The following C3orf52 variants were observed in gnomAD, a reference collection of about 807,000 sequenced individuals.
C3orf52 encodes the protein TPA-induced transmembrane protein.
Under a neutral mutation model 24.8 loss-of-function variants are expected in C3orf52, and 22 were observed. That is an observed-to-expected ratio of 0.89 (90% CI 0.63 to 1.27). The LOEUF (loss-of-function observed/expected upper bound fraction) is 1.27, where lower values mean the gene tolerates loss of function less well. Ranked by LOEUF, C3orf52 falls within the 50% of genes most tolerant of loss-of-function variation. The pLI, the probability that C3orf52 is intolerant of heterozygous loss-of-function variation, is 0.00. For synonymous variants in C3orf52, 93 were observed against 100.2 expected (o/e 0.93, Z 0.43); for missense variants, 265 against 260.7 (o/e 1.02, Z -0.11).
At chr3:112,095,118 A>G (rs2073914138) in intron 2 of C3orf52, among the ~76,000 whole-genome samples, 1 of 152,202 alleles carries the variant, frequency 6.6e-6, no homozygotes, top group Non-Finnish European at 1.5e-5. Context: ...CTGGCCAGGC[A>G]CCATATCTAC....
chr3:112,135,189 G>C (rs1448034926), downstream of C3orf52: 1 of 151,986 alleles, frequency 6.6e-6, no homozygotes, highest in Non-Finnish European at 1.5e-5. Flanking sequence ...TATTATCCTT[G>C]TATTTGATGG....
chr3:112,110,496 T>C (rs909443788), intron 4 of C3orf52, among the ~76,000 whole-genome samples: 1 of 152,158 alleles, frequency 6.6e-6, no homozygotes, highest in African/African-American at 2.4e-5. Context: ...CTTCTGTTCA[T>C]GTATCTACCA....
chr3:112,114,429 C>T (rs558890493), intron 5 of C3orf52, among the ~76,000 whole-genome samples: 4 of 148,936 alleles, frequency 2.7e-5, no homozygotes, highest in South Asian at 4.3e-4. Context: ...AAAAGCCAGG[C>T]GCGGTGGCTC....
Position 112,113,111 on chromosome 3 carries a change from T to G in C3orf52, c.615T>G (p.Ser205Arg). 6.2e-7 allele frequency: 1 copy of G among 1,610,568 alleles called. No homozygotes were observed. The highest frequency in any genetic ancestry group is 8.5e-7 in the Non-Finnish European group (1 of 1,178,612). ...FRDQNIPGCE[S>R]LGLDPTSLLL... ...ATCAGAATATACCTGGTTGTGAGAGTCTGGGGCTTGATCCAACATCCCTCT... is the reference window on the plus strand; with the variant it reads ...ATCAGAATATACCTGGTTGTGAGAGGCTGGGGCTTGATCCAACATCCCTCT... Residue 205 changes from serine (S) to arginine (R), a missense_variant, in exon 5 of 6, where the codon AGT (serine) becomes AGG (arginine). Ser to Arg is a moderately radical substitution (Grantham distance 110). Transcript: ENST00000264848.
the C3orf52 span, among the ~76,000 whole-genome samples, chr3:112,136,263 T>G: frequency 6.6e-6 from 1 of 152,252 alleles, no homozygotes; most frequent in Non-Finnish European, 1.5e-5. Flanking sequence ...GGATATCTTC[T>G]TGGCATATAA....
chr3:112,110,124 G>A (rs1232886726), intron 4 of C3orf52, among the ~76,000 whole-genome samples: 1 of 152,140 alleles, frequency 6.6e-6, no homozygotes, highest in Non-Finnish European at 1.5e-5. Flanking sequence ...GAGGTCAGGA[G>A]TTCAAGACTA....
At chr3:112,102,804 T>G in intron 2 of C3orf52, 34 bp from the exon 3 acceptor site, 1 of 1,522,386 alleles carries the variant, frequency 6.6e-7, no homozygotes, top group Non-Finnish European at 8.8e-7. Flanking sequence ...TGTTTACTTT[T>G]GTTTTTCATT....
At chr3:112,124,568 A>G (rs959625484) in intron 4 of C3orf52, among the ~76,000 whole-genome samples, 1 of 152,210 alleles carries the variant, frequency 6.6e-6, no homozygotes, top group Non-Finnish European at 1.5e-5. Context: ...AGATCGTGCC[A>G]TTGCACTCCA....
At chr3:112,115,153 T>C (rs1377046843) in intron 5 of C3orf52, among the ~76,000 whole-genome samples, 1 of 152,218 alleles carries the variant, frequency 6.6e-6, no homozygotes, top group Non-Finnish European at 1.5e-5. Context: ...CATGTCCCAC[T>C]TTCCAGAGCA....
intron 2 of C3orf52, among the ~76,000 whole-genome samples, chr3:112,099,385 C>A (rs1223097763): frequency 2.0e-5 from 3 of 152,144 alleles, no homozygotes; most frequent in African/African-American, 7.2e-5. Context: ...TTTCCCCATT[C>A]ACTCACCCTT....
chr3:112,128,786 G>A (rs930104474), downstream of C3orf52: 8 of 155,598 alleles, frequency 5.1e-5, no homozygotes, highest in African/African-American at 1.7e-4. Flanking sequence ...CTGCAGTCCT[G>A]CATCTACATT....
chr3:112,127,396 A>G (rs930440053), intron 4 of C3orf52, among the ~76,000 whole-genome samples: 21 of 150,170 alleles, frequency 1.4e-4, no homozygotes, highest in Non-Finnish European at 2.2e-4. Flanking sequence ...TTTCAATCTC[A>G]ATTCTAATCT....
At chr3:112,120,181 C>A (rs940116677), downstream of C3orf52, among the ~76,000 whole-genome samples, 3 of 152,232 alleles carry the variant, frequency 2.0e-5, no homozygotes, top group East Asian at 5.8e-4. Context: ...TCACAGTTGG[C>A]AGAGCCAAGG....
At chr3:112,119,539 A>G (rs1166511417), downstream of C3orf52, 3 of 702,734 alleles carry the variant, frequency 4.3e-6, no homozygotes, top group East Asian at 8.0e-5. Context: ...TCCTTTACAC[A>G]TGTTCGTGTC....
chr3:112,110,725 A>T (rs543310455), intron 4 of C3orf52, among the ~76,000 whole-genome samples: 3 of 152,206 alleles, frequency 2.0e-5, no homozygotes, highest in Non-Finnish European at 4.4e-5. Flanking sequence ...ATGTCTCTGG[A>T]ATATGACCAT....
chr3:112,100,005 G>GCTTTAA (rs2073957685), intron 2 of C3orf52, among the ~76,000 whole-genome samples: 2 of 152,220 alleles, frequency 1.3e-5, no homozygotes, highest in Non-Finnish European at 2.9e-5. Flanking sequence ...AGTTCAGACT[G>GCTTTAA]AGTCTGGCTG....
At chr3:112,097,722 T>G (rs1223815646) in intron 2 of C3orf52, among the ~76,000 whole-genome samples, 1 of 152,138 alleles carries the variant, frequency 6.6e-6, no homozygotes, top group Non-Finnish European at 1.5e-5. Flanking sequence ...ACCTTGAAAT[T>G]TCTTTCCATT....
In C3orf52 at chr3:112,127,553, A is replaced by G. The variant is rs145283048; in HGVS notation, c.*47-680A>G. On this transcript the variant is annotated intron_variant, in intron 4 of 4. Coordinates refer to the C3orf52 transcript ENST00000480282. Reference sequence around the variant, plus strand: ...GAACATCTGCTGTGAGGGTAACCCTATGTCCTGGTTTGCCTCAGTCTGGTG... The same window carrying G: ...GAACATCTGCTGTGAGGGTAACCCTGTGTCCTGGTTTGCCTCAGTCTGGTG... Among the ~76,000 whole-genome samples, 358 of 152,328 alleles carry G rather than the reference A, an allele frequency of 2.4e-3. 10 individuals are homozygous for G. The South Asian group carries it at 0.032, about 14-fold the overall frequency.
intron 3 of C3orf52, among the ~76,000 whole-genome samples, chr3:112,105,540 G>T (rs1244781418): frequency 3.5e-4 from 1 of 2,840 alleles, no homozygotes; most frequent in African/African-American, 3.7e-4. Flanking sequence ...TTCTTTGGCC[G>T]TGTGTGTGTG....
Sources: allele counts gnomAD v4.1 joint callset (sites outside exome capture counted in the v4.1 genomes callset), GRCh38; gene constraint gnomAD v4.1.1; transcripts MANE v1.5; gene names NCBI Gene and HGNC (gene_info 2026-07-23, HGNC 2026-07-21).